NUP214: variants seen among roughly 807,000 people sequenced by gnomAD.
NUP214 encodes the protein nucleoporin 214.
A neutral mutation model predicts 196.2 loss-of-function variants in NUP214; 79 were observed. The ratio of observed to expected loss-of-function variants is 0.40; its 90% confidence interval spans 0.34 to 0.49. The LOEUF is 0.49. Among genes scored for constraint, NUP214 ranks in the 20% least tolerant of loss-of-function variants. The pLI is 0.58. For synonymous variants in NUP214, 1,020 were observed against 990.5 expected, an observed-to-expected ratio of 1.03 and a Z score of -0.56; for missense variants, 2,468 against 2,539.0, an observed-to-expected ratio of 0.97 and a Z score of 0.60.
In NUP214 at chr9:131,192,071, C is replaced by T. The variant is rs1041650046; in HGVS notation, c.3575-137C>T. On this transcript the variant is annotated intron_variant, in intron 26 of 35. Transcript: ENST00000359428. The stretch of plus-strand genomic sequence containing the variant: ...CGTGCTCACTCCCCATGGCCACTGA[C>T]GTGTCACAGAAGGCACATGTGGTGC... 28 of 546,014 alleles carry T rather than the reference C, an allele frequency of 5.1e-5. 1 individual carries two copies. The South Asian group carries it at 6.7e-4, about 13-fold the overall frequency. 33.8% of individuals were successfully genotyped at this position (546,014 alleles called of 1,614,324 possible).
intron 21 of NUP214, chr9:131,167,033 C>G (rs1832804639): frequency 6.6e-6 from 1 of 152,124 alleles, no homozygotes; most frequent in Admixed American, 6.5e-5. Flanking sequence ...ATACAGTTAT[C>G]TCATATACAG....
intron 16 of NUP214, among the ~76,000 whole-genome samples, chr9:131,151,231 G>T (rs1483461230): frequency 1.3e-5 from 2 of 152,222 alleles, no homozygotes; most frequent in Non-Finnish European, 2.9e-5. Flanking sequence ...CAGGCACTGT[G>T]CCAAACGCAT....
intron 27 of NUP214, 106 bp downstream of exon 27, chr9:131,192,398 A>G (rs1833632746): frequency 4.7e-6 from 3 of 644,876 alleles, no homozygotes; most frequent in Non-Finnish European, 7.9e-6. Context: ...ATGAACCCAG[A>G]GTTCTTACCG....
chr9:131,143,536 A>G (rs971908604), intron 11 of NUP214, among the ~76,000 whole-genome samples: 2 of 152,204 alleles, frequency 1.3e-5, no homozygotes, highest in East Asian at 1.9e-4. Context: ...GGGGTTAGAC[A>G]TATTTAAATT....
chr9:131,147,417 G>A (rs1832116334), intron 13 of NUP214, 73 bp from the exon 14 acceptor site: 1 of 1,134,638 alleles, frequency 8.8e-7, no homozygotes, highest in East Asian at 2.4e-5. Context: ...TAGATTTGGA[G>A]AAAGGACATT....
intron 32 of NUP214, among the ~76,000 whole-genome samples, chr9:131,223,207 G>T (rs188584375): frequency 5.4e-5 from 8 of 149,432 alleles, no homozygotes; most frequent in Non-Finnish European, 1.2e-4. Context: ...TCAATCTGTC[G>T]CCAGGCTGGA....
At chr9:131,147,159 A>T (rs1392035075) in intron 13 of NUP214, among the ~76,000 whole-genome samples, 2 of 151,638 alleles carry the variant, frequency 1.3e-5, no homozygotes, top group African/African-American at 4.8e-5. Context: ...GCTAATTTTT[A>T]AATTTTTTTG....
chr9:131,187,386 T>TA lies in NUP214; in HGVS notation c.3495+22_3495+23insA, dbSNP rs200213950. ...GCAGGTAACTTACTGATTTTTACTTTTTTTTTTTTTTTTTTTTTGAGACAG... is the reference window on the plus strand; with the variant it reads ...GCAGGTAACTTACTGATTTTTACTTTATTTTTTTTTTTTTTTTTTGAGACAG... On this transcript the variant is annotated intron_variant, in intron 25 of 35. Coordinates refer to ENST00000359428, the MANE Select transcript of NUP214 (RefSeq NM_005085.4). 3.7e-5 allele frequency: 44 copies of TA among 1,176,872 alleles called. No homozygotes were observed. The African/African-American group carries it at 6.1e-4, about 16-fold the overall frequency. The allele number at this position is 1,176,872 out of a possible 1,614,324, so 72.9% of individuals were successfully genotyped here.
chr9:131,148,705 CTGTT>C (rs1279413503), intron 14 of NUP214, among the ~76,000 whole-genome samples: 1 of 151,932 alleles, frequency 6.6e-6, no homozygotes, highest in Non-Finnish European at 1.5e-5. Flanking sequence ...TATGTTGTGT[CTGTT>C]CATGTCTTTA....
chr9:131,190,661 A>G (rs1833572605), intron 26 of NUP214: 3 of 515,250 alleles, frequency 5.8e-6, no homozygotes, highest in Admixed American at 3.9e-5. Context: ...AAACTATTAC[A>G]TGCCCAGAAA....
At chr9:131,185,366 C>T (rs1437983773) in intron 24 of NUP214, among the ~76,000 whole-genome samples, 1 of 152,222 alleles carries the variant, frequency 6.6e-6, no homozygotes, top group Non-Finnish European at 1.5e-5. Flanking sequence ...CTCTGTCGCT[C>T]ATTTCTGAAG....
chr9:131,160,292 T>C (rs988722877), intron 18 of NUP214, among the ~76,000 whole-genome samples: 8 of 152,162 alleles, frequency 5.3e-5, no homozygotes, highest in African/African-American at 1.9e-4. Flanking sequence ...TGTAACAAAA[T>C]ATTCGTAGTT....
intron 18 of NUP214, among the ~76,000 whole-genome samples, chr9:131,159,693 A>G (rs1444713952): frequency 6.6e-6 from 1 of 152,154 alleles, no homozygotes; most frequent in Non-Finnish European, 1.5e-5. Context: ...CCCTGTCTCT[A>G]CCAAAAACAC....
chr9:131,181,253 A>T (rs1833270736), intron 24 of NUP214, among the ~76,000 whole-genome samples: 1 of 151,980 alleles, frequency 6.6e-6, no homozygotes, highest in Non-Finnish European at 1.5e-5. Context: ...GTCAGGGGGG[A>T]CCTCTGGTGA....
In NUP214 at chr9:131,187,382, ACT is replaced by A; in HGVS notation, c.3495+19_3495+20del. The stretch of plus-strand genomic sequence containing the variant: ...CCAAGCAGGTAACTTACTGATTTTT[ACT>A]TTTTTTTTTTTTTTTTTTTTGAGAC... On this transcript the variant is annotated intron_variant, in intron 25 of 35. Coordinates refer to ENST00000359428, the MANE Select transcript of NUP214 (RefSeq NM_005085.4). 4.6e-6 allele frequency: 6 copies of A among 1,304,484 alleles called. No individual in the cohort carries two copies. The highest frequency in any genetic ancestry group is 6.1e-6 in the Non-Finnish European group (6 of 976,788). The allele number at this position is 1,304,484 out of a possible 1,614,324, so 80.8% of individuals were successfully genotyped here.
Position 131,144,264 on chromosome 9 carries a change from T to G in NUP214, c.1295-16T>G, listed in dbSNP as rs765866988. 2 of 1,592,120 alleles carry G rather than the reference T, an allele frequency of 1.3e-6. No individual in the cohort carries two copies. The highest frequency in any genetic ancestry group is 2.2e-5 in the East Asian group (1 of 44,764). ...TTACAGTGTTAACATTTTCCTTCCT[T>G]TTTTTGTCACTGCAGGAAGTACTCC... On this transcript the variant is annotated splice_polypyrimidine_tract_variant and intron_variant, in intron 11 of 35. Coordinates refer to ENST00000359428, the MANE Select transcript of NUP214 (RefSeq NM_005085.4).
intron 11 of NUP214, among the ~76,000 whole-genome samples, chr9:131,142,123 CTT>C (rs1301650112): frequency 1.3e-5 from 2 of 152,042 alleles, no homozygotes; most frequent in East Asian, 3.9e-4. Flanking sequence ...TGTGTGTACT[CTT>C]TGTGTTGTTT....
rs377013420 is a variant in NUP214, at chr9:131,174,223, C to G, written c.3062C>G (p.Thr1021Ser). ...CCTCGGCACGCCCCCGTGGTTCGCA[C>G]TCCTTCCATCCAGCCCAGTCTCTTG... ...QAPRHAPVVR[T>S]PSIQPSLLPH... The change falls in exon 22 of 36, where the codon ACT becomes AGT. Residue 1021 changes from threonine to serine, a missense_variant. Physicochemically the swap from Thr to Ser is moderately conservative, Grantham distance 58. Around this residue, in one of 5 missense-constraint regions of NUP214, gnomAD observed 1,801 missense variants for 1,779.4 expected, o/e 1.01. Coordinates refer to ENST00000359428, the MANE Select transcript of NUP214 (RefSeq NM_005085.4). 3 of 1,614,022 alleles carry G rather than the reference C, an allele frequency of 1.9e-6. No individual in the cohort carries two copies. Among genetic ancestry groups the G allele is most frequent in the East Asian group, 4.5e-5 (2 of 44,864 alleles).
rs1291915158 is a variant in NUP214, at chr9:131,147,389, A to G, written c.1946-101A>G. 4 of 826,180 alleles carry G rather than the reference A, an allele frequency of 4.8e-6. No individual in the cohort carries two copies. In the Admixed American group the frequency reaches 6.8e-5, roughly 14 times the overall value. The allele number at this position is 826,180 out of a possible 1,614,324, so 51.2% of individuals were successfully genotyped here. On this transcript the variant is annotated intron_variant, in intron 13 of 35. Transcript: ENST00000359428. ...AAATCATGAAAGTGGGCCAGGGGCA[A>G]TGTGTAACTTAATTTCTTAGATTTG...
Sources: gnomAD v4.1 joint callset for allele counts (sites outside exome capture counted in the v4.1 genomes callset) on GRCh38, gnomAD v4.1.1 for gene constraint, gnomAD v4.1.1 regional missense constraint, MANE v1.5 for transcripts, NCBI Gene and HGNC (gene_info 2026-07-23, HGNC 2026-07-21) for gene names.